Variants in ANKRD18B observed in about 807,000 individuals in gnomAD.
The protein encoded by ANKRD18B is ankyrin repeat domain-containing protein 18B.
In ANKRD18B, 75 loss-of-function variants were observed where a neutral mutation model predicts 111.8. The ratio of observed to expected loss-of-function variants is 0.67; its 90% CI spans 0.56 to 0.81. The LOEUF is 0.81. Ranked by LOEUF, ANKRD18B falls within the 40% of genes least tolerant of loss-of-function variation. The pLI, the probability that ANKRD18B is intolerant of heterozygous loss-of-function variation, is 0.00. For synonymous variants in ANKRD18B, 356 were observed against 417.3 expected (o/e 0.85, Z 1.79); for missense variants, 1,038 against 1,225.5 (o/e 0.85, Z 2.28).
intron 12 of ANKRD18B, among the ~76,000 whole-genome samples, chr9:33,554,303 A>G (rs1828491406): frequency 6.6e-6 from 1 of 152,176 alleles, no homozygotes; most frequent in South Asian, 2.1e-4. Flanking sequence ...TAACATCCAT[A>G]AGAATCAACA....
intron 3 of ANKRD18B, among the ~76,000 whole-genome samples, chr9:33,532,976 C>T (rs1285341623): frequency 2.6e-5 from 4 of 152,134 alleles, no homozygotes; most frequent in Non-Finnish European, 2.9e-5. Context: ...TTCGGTAAAA[C>T]AACTACTCTT....
chr9:33,572,160 G>A, intron 18 of ANKRD18B, 156 bp from the exon 19 acceptor site: 1 of 636,746 alleles, frequency 1.6e-6, no homozygotes, highest in Non-Finnish European at 2.7e-6. Flanking sequence ...AGTGCCATGT[G>A]TAAATGATTT....
At chr9:33,541,365 T>A in intron 9 of ANKRD18B, 138 bp downstream of exon 9, 1 of 1,279,228 alleles carries the variant, frequency 7.8e-7, no homozygotes, top group South Asian at 1.8e-5. Flanking sequence ...TTTTCACCCA[T>A]CCATGATAAA....
intron 7 of ANKRD18B, among the ~76,000 whole-genome samples, 152 bp from the exon 8 acceptor site, chr9:33,539,926 C>T (rs973355964): frequency 2.0e-5 from 3 of 149,910 alleles, no homozygotes; most frequent in Non-Finnish European, 4.4e-5. Context: ...TGGTTGGCTA[C>T]TTAGCAACAG....
intron 11 of ANKRD18B, among the ~76,000 whole-genome samples, chr9:33,549,999 C>T (rs1005198208): frequency 4.6e-5 from 7 of 152,094 alleles, no homozygotes; most frequent in Middle Eastern, 3.4e-3. Context: ...GCAGAGTTCA[C>T]GGAGAGTGGG....
At chr9:33,550,672 C>T (rs1186673733) in intron 12 of ANKRD18B, 93 bp downstream of exon 12, 1 of 1,204,278 alleles carries the variant, frequency 8.3e-7, no homozygotes, top group Non-Finnish European at 1.1e-6. Flanking sequence ...CAGTGGACAG[C>T]TTGATTTTGT....
Position 33,548,470 on chromosome 9 carries a change from T to C in ANKRD18B, c.1682T>C (p.Leu561Pro). The change falls in exon 11 of 19, where the codon CTC (leucine) becomes CCC (proline). Residue 561 changes from leucine to proline, a missense_variant. Leu to Pro is a moderately conservative substitution (Grantham distance 98, BLOSUM62 -3). This residue lies in a region of ANKRD18B where 524 missense variants were observed against 677.9 expected (regional missense o/e 0.77). Transcript: ENST00000684830. The stretch of plus-strand genomic sequence containing the variant: ...AAGTTCAATACCTTAAAAGGTAAGC[T>C]CCGTGAGACAAGAGATGCTCTCAGG... Reference protein sequence around the residue: ...RVKFNTLKGKLRETRDALREK... With the variant: ...RVKFNTLKGKPRETRDALREK... 6.4e-7 allele frequency: 1 copy of C among 1,551,294 alleles called. No homozygotes were observed. Among genetic ancestry groups the C allele is most frequent in the Non-Finnish European group, 8.7e-7 (1 of 1,146,676 alleles).
chr9:33,555,139 A>G (rs1270232966), intron 12 of ANKRD18B, among the ~76,000 whole-genome samples: 3 of 152,114 alleles, frequency 2.0e-5, no homozygotes, highest in African/African-American at 7.2e-5. Context: ...AAAGTAGACA[A>G]AAGTTATTAT....
intron 16 of ANKRD18B, 78 bp from the exon 17 acceptor site, chr9:33,568,593 T>A (rs1405282199): frequency 1.5e-6 from 2 of 1,342,326 alleles, no homozygotes; most frequent in South Asian, 1.7e-5. Context: ...TCAGGGCAAC[T>A]GTTTAAAAAA....
rs912974771 is a variant in ANKRD18B, at chr9:33,533,709, C to T, written c.602+164C>T. 3.8e-5 allele frequency: 51 copies of T among 1,345,644 alleles called. No individual in the cohort carries two copies. The African/African-American group carries it at 7.1e-4, about 19-fold the overall frequency. 83.4% of individuals were successfully genotyped at this position (1,345,644 alleles called of 1,614,324 possible). A position where few individuals can be genotyped will look rare whatever the true frequency, so the allele number is the denominator to read the frequency against. ...TCAGGTAGAAAAGAAGTTATTTGGA[C>T]TAAGCAACATAAAAAACAGTATATA... On this transcript the variant is annotated intron_variant, in intron 4 of 18. Transcript: ENST00000684830.
At chr9:33,558,501 T>C (rs568069575) in intron 14 of ANKRD18B, among the ~76,000 whole-genome samples, 2 of 152,270 alleles carry the variant, frequency 1.3e-5, no homozygotes, top group African/African-American at 4.8e-5. Flanking sequence ...TTCGAGTTCA[T>C]CCATGTCCCT....
chr9:33,555,429 A>G (rs894380436), intron 12 of ANKRD18B, among the ~76,000 whole-genome samples: 1 of 152,214 alleles, frequency 6.6e-6, no homozygotes, highest in African/African-American at 2.4e-5. Flanking sequence ...AATTCATCTT[A>G]CTAACCCTTA....
rs776762704 is a variant in ANKRD18B at position 33,528,773 on chromosome 9, A to G, written c.253A>G (p.Thr85Ala). Residue 85 changes from threonine (T) to alanine (A), a missense_variant, in exon 2 of 19, where the codon ACT becomes GCT. By Grantham distance (58) the Thr-to-Ala change is moderately conservative (BLOSUM62 0). Coordinates refer to ENST00000684830, the MANE Select transcript of ANKRD18B (RefSeq NM_001393611.1). ...TGCCCATGGCCGTGTGCAAGTGGTC[A>G]CTCTCTTGCTGGACAGAAAATGCCA... is the stretch of plus-strand genomic sequence containing the variant. ...ACAHGRVQVV[T>A]LLLDRKCQIN... 7 of 1,613,252 alleles carry G rather than the reference A, an allele frequency of 4.3e-6. No homozygotes were observed. Among genetic ancestry groups the G allele is most frequent in the Non-Finnish European group, 5.9e-6 (7 of 1,179,688 alleles).
chr9:33,548,497 A>G lies in ANKRD18B; in HGVS notation c.1709A>G (p.Glu570Gly). 1 of 1,551,140 alleles carries G rather than the reference A, an allele frequency of 6.4e-7. No homozygotes were observed. Among genetic ancestry groups the G allele is most frequent in the African/African-American group, 1.4e-5 (1 of 73,128 alleles). Residue 570 changes from glutamate to glycine, a missense_variant, in exon 11 of 19, where the codon GAA (glutamate) becomes GGA (glycine). Physicochemically the swap from Glu to Gly is moderately conservative, Grantham distance 98 (BLOSUM62 -2). Coordinates refer to ENST00000684830, the MANE Select transcript of ANKRD18B (RefSeq NM_001393611.1). ...CGTGAGACAAGAGATGCTCTCAGGG[A>G]AAAGACATTGGCTTTAGAAAGTGTA... ...KLRETRDALR[E>G]KTLALESVQL...
rs927986111 is a variant in ANKRD18B at position 33,524,570 on chromosome 9, G to T, written c.81G>T (p.Gly27=). Reference sequence around the variant, plus strand: ...TGGACCAAGAGTATGCGGGTCGGGGGTACCACATTCGGGACTGGGAACTGC... The same window carrying T: ...TGGACCAAGAGTATGCGGGTCGGGGTTACCACATTCGGGACTGGGAACTGC... The part of the protein sequence containing the change: ...SSMDQEYAGR[G]YHIRDWELRK... Residue 27 remains glycine, a synonymous_variant, in exon 1 of 19, where the codon GGG becomes GGT. Transcript: ENST00000684830. The T allele has an allele frequency of 2.6e-6, 4 of 1,551,522 alleles. No individual in the cohort carries two copies. In the African/African-American group the frequency reaches 4.1e-5, roughly 16 times the overall value.
chr9:33,549,062 G>T (rs1184688711), intron 11 of ANKRD18B, among the ~76,000 whole-genome samples: 4 of 152,090 alleles, frequency 2.6e-5, no homozygotes, highest in Non-Finnish European at 2.9e-5. Flanking sequence ...GCTGGAAGCG[G>T]GTCGTGACTG....
chr9:33,570,692 C>T (rs1460041807), intron 17 of ANKRD18B, among the ~76,000 whole-genome samples: 2 of 148,110 alleles, frequency 1.4e-5, no homozygotes, highest in Non-Finnish European at 3.0e-5. Flanking sequence ...GGCTGGAGTG[C>T]CGTGGCATGA....
chr9:33,539,100 A>T (rs1486014684), intron 6 of ANKRD18B, among the ~76,000 whole-genome samples: 1 of 152,226 alleles, frequency 6.6e-6, no homozygotes, highest in African/African-American at 2.4e-5. Flanking sequence ...CTTAAATAAT[A>T]ACTATCATGT....
intron 13 of ANKRD18B, among the ~76,000 whole-genome samples, chr9:33,556,301 T>A (rs1252927077): frequency 6.6e-6 from 1 of 151,986 alleles, no homozygotes; most frequent in Non-Finnish European, 1.5e-5. Flanking sequence ...TCTGGCTCTG[T>A]CACCCAGGCT....
Sources: allele counts gnomAD v4.1 joint callset (sites outside exome capture counted in the v4.1 genomes callset), GRCh38; gene constraint gnomAD v4.1.1; regional missense constraint gnomAD v4.1.1; transcripts MANE v1.5; gene names NCBI Gene and HGNC (gene_info 2026-07-23, HGNC 2026-07-21).